The following TAF2 variants were observed in gnomAD, a reference collection of about 807,000 sequenced individuals.
The protein encoded by TAF2 is transcription initiation factor TFIID subunit 2.
Under a neutral mutation model 138.5 loss-of-function variants are expected in TAF2, and 61 were observed. That is an observed-to-expected ratio of 0.44 (90% CI 0.36 to 0.54). The LOEUF is 0.54. TAF2 is among the 20% of genes least tolerant of loss of function. TAF2 has a pLI of 0.00. For missense variants in TAF2, 1,090 were observed against 1,427.9 expected, an observed-to-expected ratio of 0.76 and a Z score of 3.81; for synonymous variants, 475 against 469.9, an observed-to-expected ratio of 1.01 and a Z score of -0.14.
In TAF2 at chr8:119,806,481, T is replaced by A. The variant is rs1244406471; in HGVS notation, c.300-80A>T. The A allele has an allele frequency of 8.8e-6, 10 of 1,136,968 alleles. No homozygotes were observed. The African/African-American group carries it at 1.6e-4, about 18-fold the overall frequency. 70.4% of individuals were successfully genotyped at this position (1,136,968 alleles called of 1,614,324 possible). On this transcript the variant is annotated intron_variant, in intron 3 of 25. Coordinates refer to ENST00000378164, the MANE Select transcript of TAF2 (RefSeq NM_003184.4). ...TTTTTCTTTCTTTCTTTTTTTTTTT[T>A]TTTTTTTAGATGAAGTCTCACTCTG... is the stretch of plus-strand genomic sequence containing the variant.
chr8:119,732,785 T>C (rs893821422), intron 25 of TAF2, among the ~76,000 whole-genome samples: 13 of 152,034 alleles, frequency 8.6e-5, no homozygotes, highest in South Asian at 4.1e-4. Context: ...GCCTGGGTGA[T>C]AGAGTGAGAC....
intron 18 of TAF2, among the ~76,000 whole-genome samples, chr8:119,764,330 G>C (rs1821282083): frequency 6.6e-6 from 1 of 152,114 alleles, no homozygotes; most frequent in Non-Finnish European, 1.5e-5. Context: ...GAAGTACTAA[G>C]TCATATAAAA....
At chr8:119,825,735 A>C (rs1826053859) in intron 2 of TAF2, among the ~76,000 whole-genome samples, 1 of 151,958 alleles carries the variant, frequency 6.6e-6, no homozygotes, top group South Asian at 2.1e-4. Flanking sequence ...CCCAGGCTGG[A>C]GGGCAGTGGT....
rs149772375 is a variant in TAF2, at chr8:119,788,818, T to A, written c.1655A>T (p.Tyr552Phe). Residue 552 changes from tyrosine to phenylalanine, a missense_variant, in exon 13 of 26, where the codon TAT becomes TTT. Physicochemically the swap from Tyr to Phe is conservative, Grantham distance 22. Coordinates refer to ENST00000378164, the MANE Select transcript of TAF2 (RefSeq NM_003184.4). ...NVLELEIKQD[Y>F]TSPGTQKYVG... The stretch of plus-strand genomic sequence containing the variant: ...GTATTTCTGAGTTCCAGGAGATGTA[T>A]AGTCCTGTTTTATTTCCAGTTCCAA... 2.4e-3 allele frequency: 3,919 copies of A among 1,613,806 alleles called. 15 individuals carry two copies. The highest frequency in any genetic ancestry group is 6.1e-3 in the Middle Eastern group (37 of 6,056).
chr8:119,733,784 C>CT (rs1464103640), intron 25 of TAF2, among the ~76,000 whole-genome samples: 1 of 151,888 alleles, frequency 6.6e-6, no homozygotes, highest in Non-Finnish European at 1.5e-5. Flanking sequence ...AAATCCGCCC[C>CT]CCCCCATCCT....
chr8:119,744,862 T>A (rs1335277967), intron 23 of TAF2: 3 of 456,216 alleles, frequency 6.6e-6, no homozygotes, highest in Admixed American at 4.7e-5. Context: ...TTAATACAGG[T>A]TTAACCTGTA....
chr8:119,778,292 C>T (rs939451590), intron 17 of TAF2, among the ~76,000 whole-genome samples, 163 bp from the exon 18 acceptor site: 1 of 152,150 alleles, frequency 6.6e-6, no homozygotes, highest in African/African-American at 2.4e-5. Flanking sequence ...CAACATATCT[C>T]AAAGCATTCT....
chr8:119,801,862 T>C lies in TAF2; in HGVS notation c.724A>G (p.Thr242Ala), dbSNP rs753661461. Residue 242 changes from threonine (T) to alanine (A), a missense_variant, in exon 6 of 26, where the codon ACA becomes GCA. Thr to Ala is a moderately conservative substitution (Grantham distance 58). Transcript: ENST00000378164. ...KTFHYMLTIP[T>A]AASNISLAIG... ...GCCAAGGAGATATTTGACGCTGCTGTAGGAATGGTAAGCATATAATGGAAA... is the reference window on the plus strand; with the variant it reads ...GCCAAGGAGATATTTGACGCTGCTGCAGGAATGGTAAGCATATAATGGAAA... 12 of 1,614,196 alleles carry C rather than the reference T, an allele frequency of 7.4e-6. No homozygotes were observed. Among genetic ancestry groups the C allele is most frequent in the South Asian group, 1.1e-5 (1 of 91,086 alleles).
intron 14 of TAF2, among the ~76,000 whole-genome samples, chr8:119,787,506 C>G (rs1823105015): frequency 6.6e-6 from 1 of 152,128 alleles, no homozygotes; most frequent in South Asian, 2.1e-4. Context: ...CATCACTGGT[C>G]ATTAGAGAAA....
intron 3 of TAF2, among the ~76,000 whole-genome samples, chr8:119,806,822 T>G (rs1260503131): frequency 3.3e-5 from 5 of 152,172 alleles, no homozygotes; most frequent in Non-Finnish European, 4.4e-5. Context: ...GCATTTTATC[T>G]TCTTATATAA....
intron 18 of TAF2, among the ~76,000 whole-genome samples, chr8:119,770,633 A>G (rs1256428239): frequency 1.3e-5 from 2 of 152,216 alleles, no homozygotes; most frequent in Non-Finnish European, 2.9e-5. Context: ...ACTCACCAAC[A>G]TAAAAGCACA....
chr8:119,738,877 C>T (rs1419319474), intron 25 of TAF2, among the ~76,000 whole-genome samples: 1 of 151,790 alleles, frequency 6.6e-6, no homozygotes, highest in East Asian at 1.9e-4. Flanking sequence ...TTCTGTTCTT[C>T]AGATTGTTTA....
At chr8:119,809,609 C>A (rs1824896182) in intron 3 of TAF2, among the ~76,000 whole-genome samples, 8 of 152,154 alleles carry the variant, frequency 5.3e-5, no homozygotes. Flanking sequence ...ATATGAGACT[C>A]TTCCTTTCAC....
intron 22 of TAF2, 103 bp downstream of exon 22, chr8:119,755,903 T>C: frequency 2.1e-6 from 2 of 942,812 alleles, no homozygotes; most frequent in South Asian, 3.0e-5. Flanking sequence ...AAAAAAAATC[T>C]CAACTTTTAC....
intron 21 of TAF2, among the ~76,000 whole-genome samples, chr8:119,757,693 C>T (rs768654076): frequency 3.3e-5 from 5 of 151,166 alleles, no homozygotes; most frequent in Non-Finnish European, 5.9e-5. Context: ...GCCAGGAGTT[C>T]GAGACCAGCC....
At chr8:119,820,664 G>C (rs1448349167) in intron 2 of TAF2, among the ~76,000 whole-genome samples, 1 of 152,142 alleles carries the variant, frequency 6.6e-6, no homozygotes, top group Non-Finnish European at 1.5e-5. Flanking sequence ...TGGGTACAAG[G>C]GTTTTAAATG....
intron 6 of TAF2, among the ~76,000 whole-genome samples, chr8:119,801,291 G>C (rs1173024642): frequency 6.6e-6 from 1 of 151,960 alleles, no homozygotes; most frequent in Non-Finnish European, 1.5e-5. Flanking sequence ...AAAATAATCT[G>C]AAATTTAAAT....
rs1349926072 is a variant in TAF2, at chr8:119,756,108, T to A, written c.2776A>T (p.Ile926Phe). 6.2e-7 allele frequency: 1 copy of A among 1,613,072 alleles called. No homozygotes were observed. The highest frequency in any genetic ancestry group is 1.1e-5 in the South Asian group (1 of 91,044). Residue 926 changes from isoleucine to phenylalanine, a missense_variant, in exon 22 of 26, where the codon ATT becomes TTT. Physicochemically the swap from Ile to Phe is conservative, Grantham distance 21 (BLOSUM62 0). Coordinates refer to ENST00000378164, the MANE Select transcript of TAF2 (RefSeq NM_003184.4). ...GGGTTCTTAGTCAACATGTTGAGAA[T>A]CTTATGCCTGAAAGATTAAAAAAAA... ...NDPVPYVRHK[I>F]LNMLTKNPPF...
At chr8:119,830,587 G>A (rs1239743409) in intron 2 of TAF2, among the ~76,000 whole-genome samples, 3 of 152,128 alleles carry the variant, frequency 2.0e-5, no homozygotes, top group African/African-American at 7.2e-5. Context: ...CATAAACGAG[G>A]AGACTAAATT....
Sources: allele counts gnomAD v4.1 joint callset (sites outside exome capture counted in the v4.1 genomes callset), GRCh38; gene constraint gnomAD v4.1.1; transcripts MANE v1.5; gene names NCBI Gene and HGNC (gene_info 2026-07-23, HGNC 2026-07-21).